Variants in LYPD6B observed in about 807,000 individuals in gnomAD.
LYPD6B encodes the protein LY6/PLAUR domain containing 6B.
LYPD6B carries 17 observed loss-of-function variants against 22.8 expected under a neutral mutation model. The observed-to-expected ratio is 0.75, with a 90% CI of 0.51 to 1.12. LYPD6B has a LOEUF of 1.12. Ranked by LOEUF, LYPD6B falls within the 50% of genes most tolerant of loss-of-function variation. LYPD6B has a pLI of 0.00. For missense variants in LYPD6B, 221 were observed against 258.3 expected, an observed-to-expected ratio of 0.86 and a Z score of 0.99; for synonymous variants, 106 against 91.6, an observed-to-expected ratio of 1.16 and a Z score of -0.90.
At chr2:149,151,068 G>A (rs1455943620) in intron 2 of LYPD6B, among the ~76,000 whole-genome samples, 4 of 152,024 alleles carry the variant, frequency 2.6e-5, no homozygotes, top group Non-Finnish European at 5.9e-5. Flanking sequence ...TGTCTCTGAG[G>A]TCAATGTATT....
chr2:149,082,971 G>C (rs1248474911), intron 1 of LYPD6B, among the ~76,000 whole-genome samples: 1 of 152,202 alleles, frequency 6.6e-6, no homozygotes, highest in Non-Finnish European at 1.5e-5. Context: ...GCACCTGGGT[G>C]TGCCTCTGGA....
chr2:149,185,546 A>G (rs758378308), intron 3 of LYPD6B, among the ~76,000 whole-genome samples: 3 of 152,200 alleles, frequency 2.0e-5, no homozygotes, highest in Non-Finnish European at 2.9e-5. Context: ...ATTCCAATTG[A>G]TTCTCCTCCC....
intron 1 of LYPD6B, among the ~76,000 whole-genome samples, chr2:149,129,753 T>C (rs1687911805): frequency 6.6e-6 from 1 of 152,204 alleles, no homozygotes; most frequent in Non-Finnish European, 1.5e-5. Context: ...TTATGCAGAC[T>C]TCTTGATGGG....
intron 5 of LYPD6B, among the ~76,000 whole-genome samples, chr2:149,212,399 A>AAAG (rs1164130875): frequency 6.0e-5 from 9 of 151,002 alleles, no homozygotes; most frequent in Admixed American, 2.6e-4. Context: ...AAAAAAAAAA[A>AAAG]AAAAAGAAAT....
At chr2:149,136,810 G>C (rs1257478066) in intron 2 of LYPD6B, among the ~76,000 whole-genome samples, 1 of 152,158 alleles carries the variant, frequency 6.6e-6, no homozygotes, top group Non-Finnish European at 1.5e-5. Flanking sequence ...AATGTTTTTA[G>C]GCAGCTTATT....
At chr2:149,074,010 C>G (rs1376566107) in intron 1 of LYPD6B, among the ~76,000 whole-genome samples, 1 of 152,136 alleles carries the variant, frequency 6.6e-6, no homozygotes, top group Non-Finnish European at 1.5e-5. Context: ...AATAGAAAAT[C>G]AGAGCCCATA....
At chr2:149,207,420 T>C (rs957090117) in intron 4 of LYPD6B, among the ~76,000 whole-genome samples, 1 of 152,060 alleles carries the variant, frequency 6.6e-6, no homozygotes, top group Admixed American at 6.5e-5. Context: ...AATGGGAGAA[T>C]TGAAAGTTTT....
intron 2 of LYPD6B, among the ~76,000 whole-genome samples, chr2:149,138,226 A>C (rs1433616433): frequency 2.0e-5 from 3 of 152,228 alleles, no homozygotes; most frequent in Non-Finnish European, 4.4e-5. Context: ...ATATGAACCT[A>C]GGGAGGGAAA....
chr2:149,173,158 A>G (rs890058348), intron 3 of LYPD6B, among the ~76,000 whole-genome samples: 6 of 145,182 alleles, frequency 4.1e-5, no homozygotes, highest in African/African-American at 1.5e-4. Context: ...AGTTTCTTTA[A>G]GCAGCAGCAC....
intron 2 of LYPD6B, among the ~76,000 whole-genome samples, chr2:149,150,168 T>A (rs1351266509): frequency 6.6e-6 from 1 of 152,214 alleles, no homozygotes; most frequent in Non-Finnish European, 1.5e-5. Flanking sequence ...CTCATTGCTA[T>A]AAGCAGCTTG....
intron 1 of LYPD6B, among the ~76,000 whole-genome samples, chr2:149,100,264 A>G (rs1337820381): frequency 6.6e-6 from 1 of 151,856 alleles, no homozygotes; most frequent in African/African-American, 2.4e-5. Context: ...ACTCCTCATC[A>G]CTTGGCATTG....
intron 1 of LYPD6B, among the ~76,000 whole-genome samples, chr2:149,072,439 C>T (rs908455193): frequency 2.0e-5 from 3 of 151,892 alleles, no homozygotes; most frequent in African/African-American, 7.3e-5. Flanking sequence ...GTAATAAATG[C>T]TATGAAGGAT....
At position 149,208,412 on chromosome 2, in the gene LYPD6B, A is replaced by C. The variant is rs760277997; in HGVS notation, c.328A>C (p.Asn110His). 2.5e-6 allele frequency: 4 copies of C among 1,610,518 alleles called. No homozygotes were observed. Among genetic ancestry groups the C allele is most frequent in the Non-Finnish European group, 3.4e-6 (4 of 1,176,746 alleles). The change falls in exon 5 of 7, where the codon AAT becomes CAT. Residue 110 changes from asparagine (N) to histidine (H), a missense_variant and splice_region_variant. Physicochemically the swap from Asn to His is moderately conservative, Grantham distance 68 (BLOSUM62 1). Coordinates refer to ENST00000409642, the MANE Select transcript of LYPD6B (RefSeq NM_177964.5). ...RWAEDKWCPQNTQYCLTVHHF... is the reference protein window; with the variant it reads ...RWAEDKWCPQHTQYCLTVHHF... Reference sequence around the variant, plus strand: ...GGCAGAAGACAAATGGTGTCCACAAAGTAAGTGTGCTGAGTTTGGAAGACT... The same window carrying C: ...GGCAGAAGACAAATGGTGTCCACAACGTAAGTGTGCTGAGTTTGGAAGACT...
intron 1 of LYPD6B, among the ~76,000 whole-genome samples, chr2:149,116,647 A>T (rs1436112404): frequency 6.6e-6 from 1 of 152,184 alleles, no homozygotes; most frequent in East Asian, 1.9e-4. Context: ...CTGTATTAGC[A>T]GTTATGACAT....
At chr2:149,044,318 T>C (rs1683212033) in intron 1 of LYPD6B, among the ~76,000 whole-genome samples, 1 of 152,108 alleles carries the variant, frequency 6.6e-6, no homozygotes, top group South Asian at 2.1e-4. Context: ...ACTCTGTAGT[T>C]TTCAGGATAT....
At chr2:149,130,978 T>C (rs780266049) in intron 2 of LYPD6B, 25 bp downstream of exon 2, 2 of 1,545,046 alleles carry the variant, frequency 1.3e-6, no homozygotes, top group Admixed American at 3.3e-5. Context: ...CACAAGTGGA[T>C]GTAGAGAAGA....
At chr2:149,097,905 A>G (rs903917264) in intron 1 of LYPD6B, among the ~76,000 whole-genome samples, 1 of 152,188 alleles carries the variant, frequency 6.6e-6, no homozygotes, top group Non-Finnish European at 1.5e-5. Flanking sequence ...CATGTACTCA[A>G]ATGATTTTTA....
intron 6 of LYPD6B, among the ~76,000 whole-genome samples, chr2:149,214,003 T>C (rs911925150): frequency 2.0e-5 from 3 of 152,216 alleles, no homozygotes; most frequent in African/African-American, 7.2e-5. Flanking sequence ...TGGTATTACC[T>C]GAAAACATCC....
chr2:149,048,297 A>G (rs781326005), intron 1 of LYPD6B, among the ~76,000 whole-genome samples: 1 of 152,236 alleles, frequency 6.6e-6, no homozygotes, highest in Non-Finnish European at 1.5e-5. Context: ...AAGATTGATC[A>G]ATCTAGTCAG....
Sources: gnomAD v4.1 joint callset for allele counts (sites outside exome capture counted in the v4.1 genomes callset) on GRCh38, gnomAD v4.1.1 for gene constraint, MANE v1.5 for transcripts, NCBI Gene and HGNC (gene_info 2026-07-23, HGNC 2026-07-21) for gene names.